The following ABCB8 variants were observed in gnomAD, a reference collection of about 807,000 sequenced individuals.
ABCB8 encodes the protein mitochondrial potassium channel ATP-binding subunit.
ABCB8 carries 52 observed loss-of-function variants against 73.0 expected under a neutral mutation model. That is an observed-to-expected ratio of 0.71 (90% CI 0.57 to 0.90). The LOEUF (loss-of-function observed/expected upper bound fraction) is 0.90, where lower values mean the gene tolerates loss of function less well. Among genes scored for constraint, ABCB8 ranks in the 40% least tolerant of loss-of-function variants. ABCB8 has a pLI of 0.00. For missense variants in ABCB8, 909 were observed against 974.6 expected, an observed-to-expected ratio of 0.93 and a Z score of 0.90; for synonymous variants, 428 against 423.5, an observed-to-expected ratio of 1.01 and a Z score of -0.13.
At chr7:151,039,289 TC>T (rs144952730) in intron 9 of ABCB8, 48,925 of 152,176 alleles carry the variant, frequency 0.32, 8,603 homozygotes, top group African/African-American at 0.45. Flanking sequence ...GCCTGGTGCC[TC>T]CCCCGGCTGC....
chr7:151,036,797 G>C lies in ABCB8; in HGVS notation c.1217+148G>C, dbSNP rs530416398. The C allele has an allele frequency of 1.5e-5, 12 of 792,270 alleles. No homozygotes were observed. In the East Asian group the frequency reaches 2.8e-4, roughly 18 times the overall value. The allele number at this position is 792,270 out of a possible 1,614,324, so 49.1% of individuals were successfully genotyped here. ...CAGCTTCCCCAGGGATGCATAGGGT[G>C]GGGAGAGAGAGCCCCTCAGGGCCCA... On this transcript the variant is annotated intron_variant, in intron 9 of 15. Transcript: ENST00000358849.
intron 13 of ABCB8, among the ~76,000 whole-genome samples, chr7:151,041,498 T>A (rs1796464387): frequency 6.6e-6 from 1 of 152,204 alleles, no homozygotes; most frequent in South Asian, 2.1e-4. Context: ...TCCCTCAGAT[T>A]CTCTGCAAAT....
chr7:151,042,040 C>T lies in ABCB8; in HGVS notation c.1697C>T (p.Thr566Ile). Residue 566 changes from threonine to isoleucine, a missense_variant, in exon 14 of 16, where the codon ACA (threonine) becomes ATA (isoleucine). Physicochemically the swap from Thr to Ile is moderately conservative, Grantham distance 89 (BLOSUM62 -1). Coordinates refer to ENST00000358849, the MANE Select transcript of ABCB8 (RefSeq NM_007188.5). ...KLEASDEEVY[T>I]AAREANAHEF... Reference sequence around the variant, plus strand: ...GAAGCTTCCGATGAAGAGGTGTACACAGCCGCCCGGGAAGCGAATGCTCAC... The same window carrying T: ...GAAGCTTCCGATGAAGAGGTGTACATAGCCGCCCGGGAAGCGAATGCTCAC... 1.9e-6 allele frequency: 3 copies of T among 1,613,214 alleles called. No homozygotes were observed. Among genetic ancestry groups the T allele is most frequent in the Non-Finnish European group, 2.5e-6 (3 of 1,180,012 alleles).
At chr7:151,034,653 G>A (rs1036490875) in intron 4 of ABCB8, 54 bp downstream of exon 4, 23 of 1,612,218 alleles carry the variant, frequency 1.4e-5, no homozygotes, top group Admixed American at 6.7e-5. Flanking sequence ...TGAGGGGTCT[G>A]GGGGTAGGAC....
At chr7:151,029,018 C>G in intron 1 of ABCB8, 1 of 1,195,270 alleles carries the variant, frequency 8.4e-7, no homozygotes, top group South Asian at 1.5e-5. Flanking sequence ...AGATGTTCAG[C>G]AGGGATAAAG....
intron 9 of ABCB8, chr7:151,037,306 A>T (rs1266406112): frequency 2.8e-6 from 2 of 702,956 alleles, no homozygotes; most frequent in Non-Finnish European, 5.2e-6. Flanking sequence ...CATGCATGGA[A>T]GGACCATCCT....
rs1225839714 is a variant in ABCB8 at position 151,042,232 on chromosome 7, T to C, written c.1765+124T>C. The C allele has an allele frequency of 1.6e-5, 23 of 1,419,770 alleles. No individual in the cohort carries two copies. In the Admixed American group the frequency reaches 2.6e-4, roughly 16 times the overall value. 87.9% of individuals were successfully genotyped at this position (1,419,770 alleles called of 1,614,324 possible). On this transcript the variant is annotated intron_variant, in intron 14 of 15. Transcript: ENST00000358849. ...ACAGCTGGGGAGAAAGACAGTTGTG[T>C]CAGGGAAGACGAGAACCACAGCCAA... is the stretch of plus-strand genomic sequence containing the variant.
At chr7:151,032,652 C>T (rs1015568771) in intron 1 of ABCB8, among the ~76,000 whole-genome samples, 3 of 151,748 alleles carry the variant, frequency 2.0e-5, no homozygotes, top group Non-Finnish European at 4.4e-5. Context: ...CGAGATTGTG[C>T]CGCTTCACTC....
intron 1 of ABCB8, 61 bp downstream of exon 1, chr7:151,028,671 C>A: frequency 1.3e-6 from 2 of 1,578,034 alleles, no homozygotes; most frequent in Non-Finnish European, 1.7e-6. Flanking sequence ...CAGTGCCGGC[C>A]CGCCGGGAGA....
chr7:151,029,694 G>A (rs1185673210), intron 1 of ABCB8: 1 of 151,952 alleles, frequency 6.6e-6, no homozygotes, highest in Non-Finnish European at 1.5e-5. Flanking sequence ...AGTAGAGACG[G>A]GGTTTCATCA....
intron 12 of ABCB8, 33 bp from the exon 13 acceptor site, chr7:151,041,066 C>T (rs1039173362): frequency 6.2e-7 from 1 of 1,613,610 alleles, no homozygotes; most frequent in Non-Finnish European, 8.5e-7. Flanking sequence ...CCTAGAATCC[C>T]TGGCCTCCCT....
rs537089476 is a variant in ABCB8, at chr7:151,042,104, C to T, written c.1761C>T (p.Val587=). The T allele has an allele frequency of 1.2e-5, 19 of 1,612,824 alleles. No individual in the cohort carries two copies. The highest frequency in any genetic ancestry group is 3.3e-5 in the South Asian group (3 of 91,036). ...GCTTCCCCGAGGGCTACAACACGGT[C>T]GTCGGTGGGTGCTCGGGTCTGCCGG... ...ITSFPEGYNT[V]VGERGTTLSG... The change falls in exon 14 of 16, where the codon GTC becomes GTT. Residue 587 remains valine, a synonymous_variant. Coordinates refer to ENST00000358849, the MANE Select transcript of ABCB8 (RefSeq NM_007188.5).
chr7:151,040,696 C>G, intron 11 of ABCB8, 62 bp downstream of exon 11: 1 of 1,599,536 alleles, frequency 6.3e-7, no homozygotes, highest in African/African-American at 1.3e-5. Flanking sequence ...CGAGTGGATT[C>G]GGGGGTGGAG....
rs1387833917 is a variant in ABCB8 at position 151,045,696 on chromosome 7, C to G, written c.*347C>G. The G allele has an allele frequency of 4.7e-5, 11 of 232,984 alleles. No homozygotes were observed. Among genetic ancestry groups the G allele is most frequent in the African/African-American group, 2.3e-4 (10 of 44,428 alleles). 14.4% of individuals were successfully genotyped at this position (232,984 alleles called of 1,614,324 possible). A position where few individuals can be genotyped will look rare whatever the true frequency, so the allele number is the denominator to read the frequency against. ...CGTTCTGGCCAGTCTCCCTGCCCCA[C>G]CCAGCAGCTTCAAATTGGCCAGGCC... On this transcript the variant is annotated 3_prime_UTR_variant, in exon 16 of 16. Coordinates refer to ENST00000358849, the MANE Select transcript of ABCB8 (RefSeq NM_007188.5).
intron 1 of ABCB8, chr7:151,031,417 AG>A: frequency 1.5e-6 from 2 of 1,309,828 alleles, no homozygotes; most frequent in Middle Eastern, 2.6e-4. Context: ...TCCTGAAAGC[AG>A]GGGAAGGATG....
intron 1 of ABCB8, among the ~76,000 whole-genome samples, chr7:151,029,311 A>G (rs1439771667): frequency 6.6e-6 from 1 of 151,930 alleles, no homozygotes; most frequent in African/African-American, 2.4e-5. Context: ...CAGAAAAAAA[A>G]AAAAAAGAGT....
At chr7:151,035,519 G>A (rs1314492052) in intron 5 of ABCB8, 62 bp from the exon 6 acceptor site, 2 of 1,523,224 alleles carry the variant, frequency 1.3e-6, no homozygotes, top group South Asian at 1.3e-5. Flanking sequence ...CTGACCCTTG[G>A]AAAAGTCCTT....
At chr7:151,028,872 C>A (rs761921745) in intron 1 of ABCB8, 9 of 1,524,630 alleles carry the variant, frequency 5.9e-6, no homozygotes, top group Middle Eastern at 1.7e-4. Context: ...CACGCCCAGT[C>A]CGCACTCCCG....
chr7:151,041,947 C>T lies in ABCB8; in HGVS notation c.1618-14C>T, dbSNP rs1202015738. The T allele has an allele frequency of 5.6e-6, 9 of 1,611,564 alleles. No homozygotes were observed. Among genetic ancestry groups the T allele is most frequent in the Middle Eastern group, 1.6e-4 (1 of 6,082 alleles). ...GTTTCTATGGACTCTGTCTCCATAA[C>T]CCCTCACCCACAGGAGCCCGTCCTG... On this transcript the variant is annotated splice_polypyrimidine_tract_variant and intron_variant, in intron 13 of 15. Coordinates refer to ENST00000358849, the MANE Select transcript of ABCB8 (RefSeq NM_007188.5).
Sources: gnomAD v4.1 joint callset for allele counts (sites outside exome capture counted in the v4.1 genomes callset) on GRCh38, gnomAD v4.1.1 for gene constraint, MANE v1.5 for transcripts, NCBI Gene and HGNC (gene_info 2026-07-23, HGNC 2026-07-21) for gene names.